Variants in SVOPL observed in about 807,000 individuals in gnomAD.
SVOPL encodes the protein SVOP like, also known as putative transporter SVOPL.
In SVOPL, 60 loss-of-function variants were observed where a neutral mutation model predicts 61.0. That is an observed-to-expected ratio of 0.98 (90% CI 0.80 to 1.22). The LOEUF (loss-of-function observed/expected upper bound fraction) is 1.22. SVOPL is among the 50% of genes most tolerant of loss of function. The probability of loss-of-function intolerance (pLI) is 0.00; values close to 1 mark genes in which losing one functional copy is unlikely to be tolerated. For missense variants in SVOPL, 662 were observed against 643.9 expected, an observed-to-expected ratio of 1.03 and a Z score of -0.30; for synonymous variants, 279 against 250.0, an observed-to-expected ratio of 1.12 and a Z score of -1.09.
At chr7:138,633,942 C>A (rs1439792) in intron 9 of SVOPL, among the ~76,000 whole-genome samples, 1 of 151,934 alleles carries the variant, frequency 6.6e-6, no homozygotes, top group African/African-American at 2.4e-5. Context: ...ATCAACTCAT[C>A]CCGTGGTGGC....
intron 1 of SVOPL, among the ~76,000 whole-genome samples, chr7:138,681,114 A>G (rs1802691574): frequency 6.7e-6 from 1 of 149,328 alleles, no homozygotes; most frequent in Non-Finnish European, 1.5e-5. Context: ...TTAGCTACGT[A>G]AAAAATTTAT....
At chr7:138,659,403 A>C (rs1441092806) in intron 6 of SVOPL, among the ~76,000 whole-genome samples, 1 of 152,072 alleles carries the variant, frequency 6.6e-6, no homozygotes, top group Non-Finnish European at 1.5e-5. Flanking sequence ...GAGGCAAAAG[A>C]ATCGCTTGAA....
chr7:138,680,571 T>G (rs1019154251), intron 1 of SVOPL, among the ~76,000 whole-genome samples: 2 of 148,012 alleles, frequency 1.4e-5, no homozygotes, highest in African/African-American at 5.0e-5. Flanking sequence ...ACACAGACTT[T>G]TGTGTGTGTG....
chr7:138,637,954 AAAATAAAAAATAAAAT>A lies in SVOPL; in HGVS notation c.789+6747_789+6762del, dbSNP rs569165009. ...CCAAGAGAGCGAGCCTCCATCTCAA[AAAATAAAAAATAAAAT>A]AAATAAAAAATAAAACAAATTGGCC... On this transcript the variant is annotated intron_variant, in intron 9 of 15. Transcript: ENST00000674285. Among the ~76,000 whole-genome samples, 339 of 152,202 alleles carry A rather than the reference AAAATAAAAAATAAAAT, an allele frequency of 2.2e-3. 2 individuals carry two copies. Among genetic ancestry groups the A allele is most frequent in the African/African-American group, 7.6e-3 (317 of 41,524 alleles).
rs569496062 is a variant in SVOPL at position 138,629,096 on chromosome 7, GAT to G, written c.864-735_864-734del. 5.3e-4 allele frequency among the ~76,000 whole-genome samples: 78 copies of G among 148,288 alleles called. No homozygotes were observed. In the East Asian group the frequency reaches 0.015, roughly 28 times the overall value. ...GGTTATTTTTTCCTGTTGAAAAAAT[GAT>G]ATGTCTAATATATAAGCATGTTTTA... On this transcript the variant is annotated intron_variant, in intron 10 of 15. Coordinates refer to ENST00000674285, the MANE Select transcript of SVOPL (RefSeq NM_001139456.2).
intron 1 of SVOPL, among the ~76,000 whole-genome samples, chr7:138,697,634 G>A (rs1397809769): frequency 7.3e-6 from 1 of 137,530 alleles, no homozygotes; most frequent in Non-Finnish European, 1.6e-5. Flanking sequence ...AAAAAAAGAA[G>A]AAGAAGAAGT....
chr7:138,609,601 A>G (rs748080881), intron 14 of SVOPL, among the ~76,000 whole-genome samples: 11 of 152,000 alleles, frequency 7.2e-5, no homozygotes, highest in Non-Finnish European at 1.2e-4. Flanking sequence ...TGAGGTGGCA[A>G]TAAGCTGTGA....
At chr7:138,613,102 C>T (rs767280981) in intron 14 of SVOPL, among the ~76,000 whole-genome samples, 38 of 152,174 alleles carry the variant, frequency 2.5e-4, no homozygotes, top group Middle Eastern at 3.4e-3. Flanking sequence ...TCACTGTCAC[C>T]TCTGTCCCCA....
At chr7:138,665,493 G>C (rs1802227584) in intron 4 of SVOPL, among the ~76,000 whole-genome samples, 6 of 151,984 alleles carry the variant, frequency 3.9e-5, no homozygotes, top group Admixed American at 1.3e-4. Context: ...GAAGTCTTCT[G>C]AGCTGTGATG....
chr7:138,648,924 G>A (rs903761605), intron 8 of SVOPL, 88 bp downstream of exon 8: 9 of 1,579,056 alleles, frequency 5.7e-6, no homozygotes, highest in East Asian at 2.3e-5. Flanking sequence ...TCTGTCTCGA[G>A]GGGGAAAATA....
At chr7:138,693,529 A>AAAAGAAAAAGAAAGAAAGAAAGAAAG (rs768042193) in intron 1 of SVOPL, among the ~76,000 whole-genome samples, 7 of 117,086 alleles carry the variant, frequency 6.0e-5, no homozygotes, top group African/African-American at 2.3e-4. Flanking sequence ...AAAAGAAAGA[A>AAAAGAAAAAGAAAGAAAGAAAGAAAG]AAAGAAAGAA....
chr7:138,648,414 C>G (rs1801231735), intron 8 of SVOPL, among the ~76,000 whole-genome samples: 1 of 151,634 alleles, frequency 6.6e-6, no homozygotes, highest in African/African-American at 2.4e-5. Context: ...TCAAGATCAG[C>G]CTGTCCAATG....
intron 12 of SVOPL, 68 bp from the exon 13 acceptor site, chr7:138,626,118 T>C: frequency 6.9e-7 from 1 of 1,449,226 alleles, no homozygotes; most frequent in Non-Finnish European, 9.6e-7. Flanking sequence ...TGGCCCAGCT[T>C]CGAGTGCACT....
chr7:138,686,648 C>T (rs907646088), intron 1 of SVOPL, among the ~76,000 whole-genome samples: 5 of 146,508 alleles, frequency 3.4e-5, no homozygotes, highest in Non-Finnish European at 7.4e-5. Context: ...TCACCGCAAC[C>T]TCCGCCTCCC....
At chr7:138,631,977 CACACACAT>C (rs1182840488) in intron 9 of SVOPL, among the ~76,000 whole-genome samples, 2 of 151,844 alleles carry the variant, frequency 1.3e-5, no homozygotes, top group East Asian at 3.9e-4. Context: ...CACACACACA[CACACACAT>C]ACACACACCC....
chr7:138,686,405 C>CA (rs200553829), intron 1 of SVOPL, among the ~76,000 whole-genome samples: 1,596 of 88,228 alleles, frequency 0.018, 36 homozygotes, highest in Non-Finnish European at 0.021. Context: ...GACTCCGCCT[C>CA]AAAAAAAAAA....
chr7:138,629,536 C>T (rs1800074364), intron 10 of SVOPL, among the ~76,000 whole-genome samples: 1 of 152,122 alleles, frequency 6.6e-6, no homozygotes, highest in African/African-American at 2.4e-5. Flanking sequence ...GCCACCGTAC[C>T]CGGCCTTCTT....
At chr7:138,689,564 G>C in intron 1 of SVOPL, 365 of 322,086 alleles carry the variant, frequency 1.1e-3, no homozygotes, top group East Asian at 1.9e-3. Context: ...AGTAAAAAAA[G>C]AAAAAAAAAA....
chr7:138,685,376 T>C (rs1802784594), intron 1 of SVOPL, among the ~76,000 whole-genome samples: 1 of 152,174 alleles, frequency 6.6e-6, no homozygotes. Flanking sequence ...ATGACGAATC[T>C]AGAATAGTCA....
Sources: gnomAD v4.1 joint callset for allele counts (sites outside exome capture counted in the v4.1 genomes callset) on GRCh38, gnomAD v4.1.1 for gene constraint, MANE v1.5 for transcripts, NCBI Gene and HGNC (gene_info 2026-07-23, HGNC 2026-07-21) for gene names.